TRAK2: variants seen among roughly 807,000 people sequenced by gnomAD.
The protein encoded by TRAK2 is trafficking kinesin-binding protein 2.
In TRAK2, 81 loss-of-function variants were observed where a neutral mutation model predicts 104.6. The observed-to-expected ratio is 0.77, with a 90% CI of 0.65 to 0.93. The LOEUF is 0.93. TRAK2 is among the 40% of genes least tolerant of loss of function. The pLI is 0.00. For missense variants in TRAK2, 1,002 were observed against 1,089.0 expected (o/e 0.92, Z 1.12); for synonymous variants, 406 against 394.4 (o/e 1.03, Z -0.35).
At chr2:201,394,066 C>T (rs1446924766) in intron 9 of TRAK2, among the ~76,000 whole-genome samples, 3 of 151,996 alleles carry the variant, frequency 2.0e-5, no homozygotes, top group African/African-American at 2.4e-5. Flanking sequence ...GATACTAATG[C>T]ATGCTAAAGA....
At chr2:201,412,939 C>A in intron 2 of TRAK2, 1 of 777,594 alleles carries the variant, frequency 1.3e-6, no homozygotes, top group South Asian at 1.4e-5. Flanking sequence ...ACTGGCTAAA[C>A]TGGCAAAAAA....
Position 201,447,935 on chromosome 2 carries a change from T to C in TRAK2, c.-200+3415A>G, listed in dbSNP as rs1475356350. On this transcript the variant is annotated intron_variant, in intron 1 of 15. Coordinates refer to ENST00000332624, the MANE Select transcript of TRAK2 (RefSeq NM_015049.3). This position sits in a 1 kb window ranked among gnomAD's most constrained non-coding sequence, Gnocchi z 4.1. ...TGTGATCCCATTGCTCAACACACTA[T>C]GTTAATTGTCTCTTTCCTTCTTCAA... Among the ~76,000 whole-genome samples, 1 of 152,356 alleles carries C rather than the reference T, an allele frequency of 6.6e-6. No individual in the cohort carries two copies. The highest frequency in any genetic ancestry group is 1.9e-4 in the East Asian group (1 of 5,190).
chr2:201,405,445 G>T (rs1951585485), intron 3 of TRAK2, among the ~76,000 whole-genome samples: 1 of 152,152 alleles, frequency 6.6e-6, no homozygotes, highest in Non-Finnish European at 1.5e-5. Context: ...TCTCAAACTT[G>T]TGTGTGCATC....
rs185101077 is a variant in TRAK2 at position 201,429,010 on chromosome 2, A to G, written c.-199-8304T>C. Among the ~76,000 whole-genome samples, 492 of 152,304 alleles carry G rather than the reference A, an allele frequency of 3.2e-3. 11 individuals carry two copies. In the East Asian group the frequency reaches 0.067, roughly 21 times the overall value. Reference sequence around the variant, plus strand: ...ATAGGAATGCTTGTGATTTTTGCACATTGATTTTGTATCCTGAGACTTTGC... The same window carrying G: ...ATAGGAATGCTTGTGATTTTTGCACGTTGATTTTGTATCCTGAGACTTTGC... On this transcript the variant is annotated intron_variant, in intron 1 of 15. Transcript: ENST00000332624.
intron 1 of TRAK2, among the ~76,000 whole-genome samples, chr2:201,437,856 T>G (rs772092216): frequency 1.3e-5 from 2 of 152,180 alleles, no homozygotes; most frequent in African/African-American, 4.8e-5. Flanking sequence ...TACCTCTAAA[T>G]GTACACACAA....
At position 201,395,069 on chromosome 2, in the gene TRAK2, G is replaced by A. The variant is rs375562358; in HGVS notation, c.901-197C>T. ...GGTGTTCAGAGGACAATGGGCATGA[G>A]TCAATAATTTACACCACTTTCTGAG... is the stretch of plus-strand genomic sequence containing the variant. On this transcript the variant is annotated intron_variant, in intron 8 of 15. Coordinates refer to ENST00000332624, the MANE Select transcript of TRAK2 (RefSeq NM_015049.3). 2.0e-5 allele frequency: 12 copies of A among 614,932 alleles called. No homozygotes were observed. The African/African-American group carries it at 2.2e-4, about 11-fold the overall frequency. 38.1% of individuals were successfully genotyped at this position (614,932 alleles called of 1,614,324 possible).
chr2:201,411,729 A>T, intron 2 of TRAK2: 1 of 781,182 alleles, frequency 1.3e-6, no homozygotes, highest in Non-Finnish European at 2.4e-6. Context: ...AATTTGTTGT[A>T]AGAAGGGTAG....
rs1951392124 is a variant in TRAK2, at chr2:201,386,461, G to A, written c.1720C>T (p.Gln574Ter). The change falls in exon 14 of 16, where the codon CAG becomes TAG. Residue 574 changes from glutamine to a stop codon, truncating the protein, a stop_gained. Transcript: ENST00000332624. LOFTEE classifies it high-confidence loss of function. ...LEGSQTLYHW[Q>*]QLAQPNLGTI... ...CCCAAGTTTGGTTGAGCAAGCTGCT[G>A]CCAGTGATACAGAGTTTGTGATCCT... 2 of 1,614,184 alleles carry A rather than the reference G, an allele frequency of 1.2e-6. No individual in the cohort carries two copies. The highest frequency in any genetic ancestry group is 1.7e-6 in the Non-Finnish European group (2 of 1,180,010).
intron 1 of TRAK2, among the ~76,000 whole-genome samples, chr2:201,444,686 G>A (rs929918661): frequency 1.3e-5 from 2 of 150,662 alleles, no homozygotes; most frequent in Non-Finnish European, 3.0e-5. Context: ...ATGTGTGAAA[G>A]AAACAAATTA....
intron 1 of TRAK2, among the ~76,000 whole-genome samples, chr2:201,431,082 G>C (rs759630408): frequency 6.6e-6 from 1 of 152,152 alleles, no homozygotes; most frequent in African/African-American, 2.4e-5. Flanking sequence ...TCACATAGAA[G>C]GACATAAGGA....
intron 1 of TRAK2, among the ~76,000 whole-genome samples, chr2:201,441,339 T>C (rs926640023): frequency 2.0e-5 from 3 of 152,268 alleles, no homozygotes; most frequent in Admixed American, 2.0e-4. Flanking sequence ...GGCTCATTGC[T>C]TAGTTTTATC....
At position 201,380,505 on chromosome 2, in the gene TRAK2, G is replaced by A. The variant is rs1951329015; in HGVS notation, c.*38C>T. Reference sequence around the variant, plus strand: ...GTTTCAGTGCATATCTATCCTTCATGTGCTAACTTGTATAAAAGGTCAGTT... The same window carrying A: ...GTTTCAGTGCATATCTATCCTTCATATGCTAACTTGTATAAAAGGTCAGTT... On this transcript the variant is annotated 3_prime_UTR_variant, in exon 16 of 16. Transcript: ENST00000332624. The A allele has an allele frequency of 6.3e-7, 1 of 1,589,850 alleles. No individual in the cohort carries two copies. Among genetic ancestry groups the A allele is most frequent in the Non-Finnish European group, 8.6e-7 (1 of 1,162,866 alleles).
At chr2:201,398,485 G>A (rs1951521689) in intron 5 of TRAK2, 131 bp from the exon 6 acceptor site, 1 of 799,532 alleles carries the variant, frequency 1.3e-6, no homozygotes, top group African/African-American at 1.7e-5. Flanking sequence ...AGGTTTTACT[G>A]ACTAACGCAA....
intron 2 of TRAK2, 43 bp from the exon 3 acceptor site, chr2:201,407,640 C>A: frequency 6.6e-7 from 1 of 1,515,204 alleles, no homozygotes; most frequent in South Asian, 1.3e-5. Context: ...TATATTTCAA[C>A]TTTTACTAGG....
intron 8 of TRAK2, 180 bp from the exon 9 acceptor site, chr2:201,395,052 G>A: frequency 1.6e-6 from 1 of 645,054 alleles, no homozygotes; most frequent in Non-Finnish European, 2.6e-6. Flanking sequence ...AAGGTGTTCA[G>A]AGGACAATGG....
chr2:201,386,115 A>G, intron 14 of TRAK2, 103 bp downstream of exon 14: 1 of 1,243,332 alleles, frequency 8.0e-7, no homozygotes, highest in Non-Finnish European at 1.1e-6. Flanking sequence ...ATGCAAGATT[A>G]AGTACCCTCC....
chr2:201,408,338 T>C (rs1951614690), intron 2 of TRAK2, among the ~76,000 whole-genome samples: 1 of 152,162 alleles, frequency 6.6e-6, no homozygotes, highest in African/African-American at 2.4e-5. Flanking sequence ...AAAGTTTTTA[T>C]TTTAGGTTCA....
intron 1 of TRAK2, among the ~76,000 whole-genome samples, chr2:201,432,708 T>G (rs548410605): frequency 6.6e-6 from 1 of 152,296 alleles, no homozygotes; most frequent in South Asian, 2.1e-4. Context: ...ATCTTGCTAC[T>G]TCCTTAAAAC....
At chr2:201,427,587 T>C (rs1311496521) in intron 1 of TRAK2, among the ~76,000 whole-genome samples, 2 of 152,216 alleles carry the variant, frequency 1.3e-5, no homozygotes, top group African/African-American at 4.8e-5. Flanking sequence ...GACATTTGGG[T>C]TGGTTCCAAG....
Sources: gnomAD v4.1 joint callset for allele counts (sites outside exome capture counted in the v4.1 genomes callset) on GRCh38, gnomAD v4.1.1 for gene constraint, Gnocchi (gnomAD v3.1) non-coding constraint, MANE v1.5 for transcripts, NCBI Gene and HGNC (gene_info 2026-07-23, HGNC 2026-07-21) for gene names.